The following ATG7 variants were observed in gnomAD, a reference collection of about 807,000 sequenced individuals.
The protein encoded by ATG7 is autophagy related 7.
Under a neutral mutation model 82.4 loss-of-function variants are expected in ATG7, and 70 were observed. The observed-to-expected ratio is 0.85, with a 90% CI of 0.70 to 1.04. The LOEUF (loss-of-function observed/expected upper bound fraction) is 1.04, where lower values mean the gene tolerates loss of function less well. Among genes scored for constraint, ATG7 ranks in the 50% least tolerant of loss-of-function variants. ATG7 has a pLI of 0.00. For missense variants in ATG7, 792 were observed against 864.3 expected, an observed-to-expected ratio of 0.92 and a Z score of 1.05; for synonymous variants, 287 against 313.0, an observed-to-expected ratio of 0.92 and a Z score of 0.88.
chr3:11,515,603 A>C (rs2092253108), intron 20 of ATG7, among the ~76,000 whole-genome samples: 1 of 152,216 alleles, frequency 6.6e-6, no homozygotes, highest in African/African-American at 2.4e-5. Flanking sequence ...ACATTGTCCC[A>C]GGGGTAATGA....
At chr3:11,282,868 T>G (rs1230818118) in intron 3 of ATG7, among the ~76,000 whole-genome samples, 1 of 152,212 alleles carries the variant, frequency 6.6e-6, no homozygotes, top group East Asian at 1.9e-4. Context: ...CCTGGTGATC[T>G]CTACCTCCTT....
intron 20 of ATG7, among the ~76,000 whole-genome samples, chr3:11,453,255 T>TG (rs1195750426): frequency 6.6e-6 from 1 of 152,192 alleles, no homozygotes; most frequent in Non-Finnish European, 1.5e-5. Flanking sequence ...CCTGAAAGTG[T>TG]GGAAAGGCCT....
intron 19 of ATG7, among the ~76,000 whole-genome samples, chr3:11,410,230 A>G (rs2080764601): frequency 1.3e-5 from 2 of 152,300 alleles, no homozygotes; most frequent in Admixed American, 6.5e-5. Context: ...GATTGTCTCC[A>G]ACTTCTCTCA....
At chr3:11,299,167 T>C (rs951077987) in intron 4 of ATG7, 195 bp from the exon 5 acceptor site, 25 of 611,450 alleles carry the variant, frequency 4.1e-5, no homozygotes, top group Non-Finnish European at 6.0e-5. Flanking sequence ...GGCGAATGTC[T>C]CATATTCACA....
chr3:11,535,735 T>A (rs1330006625), intron 20 of ATG7, among the ~76,000 whole-genome samples: 3 of 152,110 alleles, frequency 2.0e-5, no homozygotes, highest in Admixed American at 6.5e-5. Flanking sequence ...GGGAGAACCT[T>A]GTGTTCTCAG....
intron 20 of ATG7, chr3:11,446,616 A>T: frequency 2.8e-6 from 1 of 363,136 alleles, no homozygotes; most frequent in Non-Finnish European, 5.3e-6. Context: ...CACATGATAC[A>T]TCATGGTACT....
intron 20 of ATG7, among the ~76,000 whole-genome samples, chr3:11,530,567 T>C (rs1478541123): frequency 6.6e-6 from 1 of 152,170 alleles, no homozygotes; most frequent in Non-Finnish European, 1.5e-5. Context: ...GACTTGATGG[T>C]GAAATGAATC....
At chr3:11,325,080 C>G (rs1201373778) in intron 9 of ATG7, among the ~76,000 whole-genome samples, 1 of 152,216 alleles carries the variant, frequency 6.6e-6, no homozygotes, top group Non-Finnish European at 1.5e-5. Flanking sequence ...CACATGCTCT[C>G]CAGGTTTCTA....
At position 11,311,059 on chromosome 3, in the gene ATG7, G is replaced by A. The variant is rs535845903; in HGVS notation, c.411+1998G>A. Reference sequence around the variant, plus strand: ...CATGCTGACAGTTTGCATTTAATGAGAAAAATAACATTAGCTCTTACTTAA... The same window carrying A: ...CATGCTGACAGTTTGCATTTAATGAAAAAAATAACATTAGCTCTTACTTAA... On this transcript the variant is annotated intron_variant, in intron 7 of 20. Coordinates refer to ENST00000693202, the MANE Select transcript of ATG7 (RefSeq NM_001349232.2). Among the ~76,000 whole-genome samples, 3 of 152,202 alleles carry A rather than the reference G, an allele frequency of 2.0e-5. No individual in the cohort carries two copies. The East Asian group carries it at 5.8e-4, about 29-fold the overall frequency.
intron 20 of ATG7, among the ~76,000 whole-genome samples, chr3:11,540,602 C>T (rs1420337181): frequency 6.6e-6 from 1 of 151,552 alleles, no homozygotes; most frequent in Non-Finnish European, 1.5e-5. Flanking sequence ...GATCGCACCA[C>T]TGTCCTCCAG....
In ATG7 at chr3:11,422,740, CTTTTTTTTTTTT is replaced by C. The variant is rs557755646; in HGVS notation, c.1957-4046_1957-4035del. ...CCTCACTATGCTTAATCATTTCTAG[CTTTTTTTTTTTT>C]TTTTTTTTTTTTTTTTTGGAGACAG... On this transcript the variant is annotated intron_variant, in intron 19 of 20. Coordinates refer to ENST00000693202, the MANE Select transcript of ATG7 (RefSeq NM_001349232.2). 5.2e-4 allele frequency among the ~76,000 whole-genome samples: 26 copies of C among 49,556 alleles called. 1 individual carries two copies. In the East Asian group the frequency reaches 6.5e-3, roughly 12 times the overall value. 32.5% of individuals were successfully genotyped at this position (49,556 alleles called of 152,430 possible).
chr3:11,340,846 A>G, intron 12 of ATG7, 111 bp downstream of exon 12: 1 of 890,656 alleles, frequency 1.1e-6, no homozygotes, highest in Admixed American at 2.3e-5. Flanking sequence ...GGTGCCAGTC[A>G]TGCTGCCGTG....
chr3:11,531,877 A>T (rs1198176075), intron 20 of ATG7, among the ~76,000 whole-genome samples: 1 of 152,008 alleles, frequency 6.6e-6, no homozygotes, highest in East Asian at 1.9e-4. Flanking sequence ...GAAAAAAAAA[A>T]AAAAAAAAAA....
Position 11,330,209 on chromosome 3 carries a change from T to C in ATG7, c.679-1131T>C, listed in dbSNP as rs566765260. On this transcript the variant is annotated intron_variant, in intron 9 of 20. Coordinates refer to ENST00000693202, the MANE Select transcript of ATG7 (RefSeq NM_001349232.2). ...TCTCCACTGTAAAAATACTATTTTT[T>C]CTTTGAAAGTAAATCAGTAATTCCA... Among the ~76,000 whole-genome samples, 72 of 152,316 alleles carry C rather than the reference T, an allele frequency of 4.7e-4. 1 individual carries two copies. In the South Asian group the frequency reaches 0.014, roughly 29 times the overall value.
intron 19 of ATG7, among the ~76,000 whole-genome samples, chr3:11,394,889 A>G (rs1360661636): frequency 6.6e-6 from 1 of 152,214 alleles, no homozygotes; most frequent in African/African-American, 2.4e-5. Flanking sequence ...AGAGGTAACC[A>G]GGCACACAAG....
At chr3:11,464,541 C>T (rs955795112) in intron 20 of ATG7, among the ~76,000 whole-genome samples, 27 of 152,182 alleles carry the variant, frequency 1.8e-4, no homozygotes, top group African/African-American at 6.3e-4. Flanking sequence ...ACTTCTGCTC[C>T]CACCAGCTGA....
intron 3 of ATG7, among the ~76,000 whole-genome samples, chr3:11,286,954 A>G (rs991835461): frequency 2.0e-5 from 3 of 150,418 alleles, no homozygotes; most frequent in Non-Finnish European, 4.4e-5. Context: ...TTTTCTAGAA[A>G]TGGTGTTCTG....
the ATG7 span, chr3:11,569,032 C>G: frequency 1.3e-6 from 1 of 767,444 alleles, no homozygotes; most frequent in Non-Finnish European, 1.6e-6. Context: ...GAAAGCCACA[C>G]GCTCTCTAAG....
intron 1 of ATG7, among the ~76,000 whole-genome samples, chr3:11,278,052 C>T (rs1336643656): frequency 6.6e-6 from 1 of 152,172 alleles, no homozygotes; most frequent in Non-Finnish European, 1.5e-5. Flanking sequence ...ACCCTGTAGG[C>T]AGTCAGACCT....
Sources: gnomAD v4.1 joint callset for allele counts (sites outside exome capture counted in the v4.1 genomes callset) on GRCh38, gnomAD v4.1.1 for gene constraint, MANE v1.5 for transcripts, NCBI Gene and HGNC (gene_info 2026-07-23, HGNC 2026-07-21) for gene names.